The following CASP5 variants were observed in gnomAD, a reference collection of about 807,000 sequenced individuals.
CASP5 encodes the protein caspase-5.
CASP5 carries 42 observed loss-of-function variants against 45.2 expected under a neutral mutation model. The ratio of observed to expected loss-of-function variants is 0.93; its 90% confidence interval spans 0.73 to 1.20. The LOEUF (loss-of-function observed/expected upper bound fraction) is 1.20, where lower values mean the gene tolerates loss of function less well. CASP5 is among the 50% of genes most tolerant of loss of function. CASP5 has a pLI of 0.00. For synonymous variants in CASP5, 209 were observed against 186.2 expected (o/e 1.12, Z -1.00); for missense variants, 512 against 532.2 (o/e 0.96, Z 0.37).
In CASP5 at chr11:105,009,718, C is replaced by CATAT. The variant is rs1424749536; in HGVS notation, c.8-739_8-738insATAT. On this transcript the variant is annotated intron_variant, in intron 1 of 9. Transcript: ENST00000260315. The stretch of plus-strand genomic sequence containing the variant: ...TTTTACCAGGAGATATATATATACA[C>CATAT]ACATATATATATATATATATATATA... 1.6e-3 allele frequency among the ~76,000 whole-genome samples: 133 copies of CATAT among 83,514 alleles called. 2 individuals are homozygous for CATAT. The highest frequency in any genetic ancestry group is 2.7e-3 in the South Asian group (7 of 2,580). The allele number at this position is 83,514 out of a possible 152,430, so 54.8% of individuals were successfully genotyped here. A position where few individuals can be genotyped will look rare whatever the true frequency, so the allele number is the denominator to read the frequency against.
At position 105,021,651 on chromosome 11, in the gene CASP5, C is replaced by A. The variant is rs1179918134; in HGVS notation, c.7+1479G>T. Among the ~76,000 whole-genome samples, 8 of 146,282 alleles carry A rather than the reference C, an allele frequency of 5.5e-5. 1 individual carries two copies. The highest frequency in any genetic ancestry group is 1.2e-4 in the Non-Finnish European group (8 of 65,716). On this transcript the variant is annotated intron_variant, in intron 1 of 9. Coordinates refer to ENST00000260315, the MANE Select transcript of CASP5 (RefSeq NM_004347.5). ...GTTAGAATGGCAATCATTAAAAAGT[C>A]AGGAAACAACAGGTGCTGGAGAGGA...
chr11:105,008,475 G>A (rs553175460), intron 2 of CASP5, among the ~76,000 whole-genome samples: 1 of 152,156 alleles, frequency 6.6e-6, no homozygotes, highest in East Asian at 1.9e-4. Flanking sequence ...TGATTAGGGA[G>A]CAAGAGAGGT....
At chr11:105,005,930 A>G (rs1178994987) in intron 3 of CASP5, among the ~76,000 whole-genome samples, 3 of 152,170 alleles carry the variant, frequency 2.0e-5, no homozygotes, top group Non-Finnish European at 2.9e-5. Flanking sequence ...TTGGACAACT[A>G]TACTAGCATG....
In CASP5 at chr11:104,997,378, C is replaced by T. The variant is rs200749075; in HGVS notation, c.1206+5G>A. The T allele has an allele frequency of 4.5e-6, 7 of 1,561,478 alleles. No individual in the cohort carries two copies. On this transcript the variant is annotated splice_donor_5th_base_variant and intron_variant, in intron 8 of 9. Transcript: ENST00000260315. ...AAATGACTAGAAAAGGAAATGGAAG[C>T]TTACCTTCCGAAATATTTCCATTAG... is the stretch of plus-strand genomic sequence containing the variant.
Position 105,008,913 on chromosome 11 carries a change from T to G in CASP5, c.75A>C (p.Gly25=). ...EAMFKGILQS[G]LDNFVINHML... ...TGTGGTTTATCACGAAGTTATCCAA[T>G]CCACTCTGAAGGATACCTTTGAACA... is the stretch of plus-strand genomic sequence containing the variant. The change falls in exon 2 of 10, where the codon GGA becomes GGC. Residue 25 remains glycine, a synonymous_variant. Transcript: ENST00000260315. 1 of 1,612,954 alleles carries G rather than the reference T, an allele frequency of 6.2e-7. No homozygotes were observed. Among genetic ancestry groups the G allele is most frequent in the Non-Finnish European group, 8.5e-7 (1 of 1,179,182 alleles).
chr11:105,009,866 T>C (rs1003176468), intron 1 of CASP5, among the ~76,000 whole-genome samples: 3 of 133,692 alleles, frequency 2.2e-5, no homozygotes, highest in Non-Finnish European at 4.6e-5. Flanking sequence ...TATATATACA[T>C]ATATATACAC....
chr11:105,000,769 C>CT (rs142834837), intron 5 of CASP5, among the ~76,000 whole-genome samples: 3 of 151,664 alleles, frequency 2.0e-5, no homozygotes, highest in Non-Finnish European at 2.9e-5. Flanking sequence ...ACTTATATTA[C>CT]TTTTTTTTAT....
At chr11:104,997,139 TAA>T (rs1316019816) in intron 8 of CASP5, among the ~76,000 whole-genome samples, 2 of 152,194 alleles carry the variant, frequency 1.3e-5, no homozygotes, top group Non-Finnish European at 2.9e-5. Flanking sequence ...TGAATTTTAA[TAA>T]GTTATAACCC....
At position 105,003,377 on chromosome 11, in the gene CASP5, A is replaced by G. The variant is rs1005621985; in HGVS notation, c.440T>C (p.Leu147Pro). The stretch of plus-strand genomic sequence containing the variant: ...CTCAGGTGGTCCAGCCTCGATTTGC[A>G]GAAGAGCTGTGGGATATCACAAAAT... ...DQKITSVKPL[L>P]QIEAGPPESA... Residue 147 changes from leucine (L) to proline (P), a missense_variant, in exon 4 of 10, where the codon CTG (leucine) becomes CCG (proline). Leu to Pro is a moderately conservative substitution (Grantham distance 98, BLOSUM62 -3). Transcript: ENST00000260315. 3.2e-6 allele frequency: 5 copies of G among 1,580,786 alleles called. No individual in the cohort carries two copies. Among genetic ancestry groups the G allele is most frequent in the Non-Finnish European group, 4.3e-6 (5 of 1,158,144 alleles).
intron 3 of CASP5, among the ~76,000 whole-genome samples, chr11:105,004,946 T>C (rs567962113): frequency 1.3e-5 from 2 of 152,272 alleles, no homozygotes; most frequent in African/African-American, 4.8e-5. Flanking sequence ...CCTAAGACTT[T>C]TATGTGTCTG....
At position 105,002,145 on chromosome 11, in the gene CASP5, A is replaced by G. The variant is rs748474268; in HGVS notation, c.600T>C (p.Asn200=). ...TTGCAGGCAGGTGATCAAACTTTGTATTGCATATGATGAGAGCCAGGCGTC... is the reference window on the plus strand; with the variant it reads ...TTGCAGGCAGGTGATCAAACTTTGTGTTGCATATGATGAGAGCCAGGCGTC... ...DRRRLALIIC[N]TKFDHLPARN... Residue 200 remains asparagine, a synonymous_variant, in exon 5 of 10, where the codon AAT becomes AAC. Transcript: ENST00000260315. 3.2e-5 allele frequency: 52 copies of G among 1,613,970 alleles called. 1 individual carries two copies. The highest frequency in any genetic ancestry group is 5.0e-5 in the Admixed American group (3 of 59,984).
Position 105,007,093 on chromosome 11 carries a change from G to A in CASP5, c.423C>T (p.Thr141=), listed in dbSNP as rs1565385446. 1 of 1,611,456 alleles carries A rather than the reference G, an allele frequency of 6.2e-7. No individual in the cohort carries two copies. The highest frequency in any genetic ancestry group is 8.5e-7 in the Non-Finnish European group (1 of 1,179,078). The stretch of plus-strand genomic sequence containing the variant: ...TAGATGCAACCTTACGTTTTACACT[G>A]GTGATCTTTTGGTCCATATTGAGAA... ...QTLLNMDQKI[T]SVKPLLQIEA... Residue 141 remains threonine (T), a synonymous_variant, in exon 3 of 10, where the codon ACC becomes ACT. Coordinates refer to ENST00000260315, the MANE Select transcript of CASP5 (RefSeq NM_004347.5).
chr11:105,008,494 A>G (rs144979305), intron 2 of CASP5, among the ~76,000 whole-genome samples: 84 of 152,194 alleles, frequency 5.5e-4, no homozygotes, highest in African/African-American at 1.9e-3. Context: ...GTTAAGATAC[A>G]TGCAGGAAGC....
At chr11:105,018,552 C>T (rs1862760574) in intron 1 of CASP5, among the ~76,000 whole-genome samples, 1 of 144,996 alleles carries the variant, frequency 6.9e-6, no homozygotes, top group Non-Finnish European at 1.5e-5. Context: ...TCAAAAGAGA[C>T]AAAGAAGGCC....
intron 5 of CASP5, 130 bp from the exon 6 acceptor site, chr11:105,000,625 A>C: frequency 2.6e-6 from 2 of 765,290 alleles, no homozygotes; most frequent in Non-Finnish European, 4.2e-6. Flanking sequence ...GCGCTTACTC[A>C]GTCATGACAG....
chr11:105,008,673 A>AG (rs1326844436), intron 2 of CASP5, 134 bp downstream of exon 2: 7 of 675,034 alleles, frequency 1.0e-5, no homozygotes, highest in African/African-American at 1.8e-5. Context: ...TGAAGGAAAA[A>AG]TTATAGGTTT....
intron 1 of CASP5, among the ~76,000 whole-genome samples, chr11:105,014,845 C>G (rs1162141538): frequency 1.3e-5 from 2 of 152,234 alleles, no homozygotes; most frequent in East Asian, 1.9e-4. Flanking sequence ...AAATAACGAG[C>G]AGATGCTCAA....
intron 1 of CASP5, among the ~76,000 whole-genome samples, chr11:105,019,285 A>G (rs1324645139): frequency 6.6e-6 from 1 of 150,426 alleles, no homozygotes; most frequent in African/African-American, 2.4e-5. Context: ...AGCTAGCAGA[A>G]GGCAAGAAAT....
intron 1 of CASP5, among the ~76,000 whole-genome samples, chr11:105,015,752 CA>C (rs34623702): frequency 0.29 from 40,105 of 136,816 alleles, 5,387 homozygotes; most frequent in African/African-American, 0.32. Context: ...ATAAAATAGA[CA>C]AAAAAAAAAA....
Sources: gnomAD v4.1 joint callset for allele counts (sites outside exome capture counted in the v4.1 genomes callset) on GRCh38, gnomAD v4.1.1 for gene constraint, MANE v1.5 for transcripts, NCBI Gene and HGNC (gene_info 2026-07-23, HGNC 2026-07-21) for gene names.